ROR2: variants seen among roughly 807,000 people sequenced by gnomAD.
ROR2 encodes ROR family WNT receptor 2.
In ROR2, 33 loss-of-function variants were observed where a neutral mutation model predicts 74.9. The ratio of observed to expected loss-of-function variants is 0.44; its 90% confidence interval spans 0.33 to 0.59. The LOEUF is 0.59. Among genes scored for constraint, ROR2 ranks in the 20% least tolerant of loss-of-function variants. The pLI, the probability that ROR2 is intolerant of heterozygous loss-of-function variation, is 0.02. For synonymous variants in ROR2, 586 were observed against 558.7 expected (o/e 1.05, Z -0.69); for missense variants, 1,216 against 1,313.8 (o/e 0.93, Z 1.15).
At chr9:91,943,043 T>A (rs1183237170) in intron 1 of ROR2, among the ~76,000 whole-genome samples, 1 of 152,232 alleles carries the variant, frequency 6.6e-6, no homozygotes, top group East Asian at 1.9e-4. Flanking sequence ...GTTCCTTGTA[T>A]AATCCATGCT....
intron 1 of ROR2, among the ~76,000 whole-genome samples, chr9:91,784,150 G>A (rs74321654): frequency 0.02 from 2,974 of 152,204 alleles, 46 homozygotes; most frequent in East Asian, 0.091. Context: ...TGTGCCCTGC[G>A]GAGCTGCCCA....
intron 1 of ROR2, among the ~76,000 whole-genome samples, chr9:91,842,622 G>A (rs537242389): frequency 6.6e-6 from 1 of 152,370 alleles, no homozygotes; most frequent in East Asian, 1.9e-4. Context: ...CTGCCTCTGA[G>A]GCAATGAGGA....
At chr9:91,837,688 C>T (rs1828651820) in intron 1 of ROR2, among the ~76,000 whole-genome samples, 2 of 152,084 alleles carry the variant, frequency 1.3e-5, no homozygotes, top group Non-Finnish European at 2.9e-5. Flanking sequence ...AGATGTTTAA[C>T]GTGTTTTAAA....
chr9:91,884,442 A>ATT (rs1043948595), intron 1 of ROR2, among the ~76,000 whole-genome samples: 40 of 149,876 alleles, frequency 2.7e-4, no homozygotes, highest in Admixed American at 5.4e-4. Context: ...TACAAAAAGA[A>ATT]TTACTTACTC....
At chr9:91,900,598 A>G (rs1048270546) in intron 1 of ROR2, among the ~76,000 whole-genome samples, 1 of 152,224 alleles carries the variant, frequency 6.6e-6, no homozygotes, top group Non-Finnish European at 1.5e-5. Flanking sequence ...TCTGGAAGAG[A>G]GTGCTGACAG....
chr9:91,840,212 C>A (rs1389123142), intron 1 of ROR2, among the ~76,000 whole-genome samples: 1 of 152,192 alleles, frequency 6.6e-6, no homozygotes, highest in Non-Finnish European at 1.5e-5. Context: ...AGAGCAAGGA[C>A]CAGCAGCTGC....
chr9:91,863,275 C>T (rs1392282753), intron 1 of ROR2, among the ~76,000 whole-genome samples: 1 of 152,194 alleles, frequency 6.6e-6, no homozygotes, highest in Non-Finnish European at 1.5e-5. Context: ...ATCCTCCCGC[C>T]TTGGTCCCCC....
intron 1 of ROR2, among the ~76,000 whole-genome samples, chr9:91,919,221 CAATA>C (rs1831210091): frequency 6.6e-6 from 1 of 152,192 alleles, no homozygotes; most frequent in Admixed American, 6.5e-5. Context: ...TTGCTACTGA[CAATA>C]ATTAGGGCTT....
At chr9:91,862,960 T>C (rs1446100240) in intron 1 of ROR2, among the ~76,000 whole-genome samples, 2 of 152,152 alleles carry the variant, frequency 1.3e-5, no homozygotes, top group Non-Finnish European at 2.9e-5. Flanking sequence ...AATAAGCACA[T>C]GAAGAAATGT....
intron 1 of ROR2, among the ~76,000 whole-genome samples, chr9:91,908,567 A>AG: frequency 6.6e-6 from 1 of 152,292 alleles, no homozygotes; most frequent in East Asian, 1.9e-4. Context: ...ACACTATAGG[A>AG]GGGGATGTTT....
intron 1 of ROR2, among the ~76,000 whole-genome samples, chr9:91,846,480 C>T (rs1365213691): frequency 6.6e-6 from 1 of 152,132 alleles, no homozygotes; most frequent in South Asian, 2.1e-4. Flanking sequence ...TATGGACCTC[C>T]AGCCTCCAAA....
rs10820900 is a variant in ROR2, at chr9:91,733,326, T to C, written c.733A>G (p.Thr245Ala). The C allele has an allele frequency of 0.65, 1,039,698 of 1,611,554 alleles. 337,026 individuals are homozygous for C. Among genetic ancestry groups the C allele is most frequent in the African/African-American group, 0.75 (56,200 of 74,972 alleles). Residue 245 changes from threonine to alanine, a missense_variant, in exon 6 of 9, where the codon ACA (threonine) becomes GCA (alanine). Coordinates refer to ENST00000375708, the MANE Select transcript of ROR2 (RefSeq NM_004560.4). This position sits in a 1 kb window ranked among gnomAD's most constrained non-coding sequence, Gnocchi z 5.7. ...CGGCACAGCTCACGCGGCTTGGGTG[T>C]CCGGGAGCGCGCGTCGCACAGAGGA... is the stretch of plus-strand genomic sequence containing the variant. ...VFPLCDARSR[T>A]PKPRELCRDE... is the part of the protein sequence containing the mutation.
At chr9:91,911,933 C>CAA (rs747087662) in intron 1 of ROR2, among the ~76,000 whole-genome samples, 4,089 of 75,952 alleles carry the variant, frequency 0.054, 301 homozygotes, top group African/African-American at 0.15. Context: ...TGAGTCTAAG[C>CAA]AAAAAAAAAA....
intron 2 of ROR2, among the ~76,000 whole-genome samples, chr9:91,763,428 T>C (rs1290386199): frequency 1.3e-5 from 2 of 152,212 alleles, no homozygotes; most frequent in East Asian, 3.8e-4. Context: ...CAATTTGTAC[T>C]TCACTAACAA....
chr9:91,930,097 C>T (rs898269076), intron 1 of ROR2, among the ~76,000 whole-genome samples: 1 of 152,130 alleles, frequency 6.6e-6, no homozygotes, highest in African/African-American at 2.4e-5. Flanking sequence ...GAAACCAACC[C>T]AGCCACCATA....
intron 1 of ROR2, among the ~76,000 whole-genome samples, chr9:91,823,920 C>T (rs772617645): frequency 6.6e-6 from 1 of 152,194 alleles, no homozygotes; most frequent in Non-Finnish European, 1.5e-5. Flanking sequence ...GATTCACCAG[C>T]GGTTCCTCTA....
chr9:91,776,218 C>T (rs10992093), intron 1 of ROR2, among the ~76,000 whole-genome samples: 34,436 of 152,058 alleles, frequency 0.23, 4,119 homozygotes, highest in Middle Eastern at 0.35. Context: ...GTCCTGGTAA[C>T]TGGGTAATAA....
chr9:91,772,141 T>C (rs1826253105), intron 2 of ROR2, among the ~76,000 whole-genome samples: 1 of 152,180 alleles, frequency 6.6e-6, no homozygotes, highest in Non-Finnish European at 1.5e-5. Flanking sequence ...TGAGTCTCCA[T>C]TTGTGCAGGA....
intron 1 of ROR2, among the ~76,000 whole-genome samples, chr9:91,816,952 TGACAAAGCATTTGA>T: frequency 6.6e-6 from 1 of 152,310 alleles, no homozygotes; most frequent in East Asian, 1.9e-4. Flanking sequence ...CCTAAAAATG[TGACAAAGCATTTGA>T]AGAGGTGTCT....
Sources: allele counts gnomAD v4.1 joint callset (sites outside exome capture counted in the v4.1 genomes callset), GRCh38; gene constraint gnomAD v4.1.1; non-coding constraint Gnocchi (gnomAD v3.1); transcripts MANE v1.5; gene names NCBI Gene and HGNC (gene_info 2026-07-23, HGNC 2026-07-21).